Variants in DPP6 observed in about 807,000 individuals in gnomAD.
The protein encoded by DPP6 is dipeptidyl peptidase like 6, also known as A-type potassium channel modulatory protein DPP6.
Under a neutral mutation model 122.6 loss-of-function variants are expected in DPP6, and 69 were observed. That is an observed-to-expected ratio of 0.56 (90% CI 0.46 to 0.69). DPP6 has a LOEUF of 0.69. Ranked by LOEUF, DPP6 falls within the 30% of genes least tolerant of loss-of-function variation. The pLI is 0.00. For synonymous variants in DPP6, 418 were observed against 433.1 expected (o/e 0.97, Z 0.43); for missense variants, 928 against 1,116.9 (o/e 0.83, Z 2.41).
intron 1 of DPP6, among the ~76,000 whole-genome samples, chr7:154,233,990 G>A (rs1288342004): frequency 1.3e-5 from 2 of 152,214 alleles, no homozygotes; most frequent in Non-Finnish European, 2.9e-5. Context: ...TGAGTGTGGG[G>A]TTGGTCTGAA....
intron 1 of DPP6, among the ~76,000 whole-genome samples, chr7:154,356,137 A>G (rs1811250866): frequency 6.6e-6 from 1 of 151,964 alleles, no homozygotes; most frequent in African/African-American, 2.4e-5. Context: ...TGTTTTTTCT[A>G]TTTAATTTCT....
chr7:154,371,378 C>CAAA (rs1167770083), intron 1 of DPP6, among the ~76,000 whole-genome samples: 960 of 47,658 alleles, frequency 0.02, 3 homozygotes, highest in East Asian at 0.025. Flanking sequence ...AACTCTGTCT[C>CAAA]AAAAAAAAAA....
At chr7:154,847,764 A>G (rs1802058407) in intron 16 of DPP6, among the ~76,000 whole-genome samples, 1 of 152,190 alleles carries the variant, frequency 6.6e-6, no homozygotes, top group South Asian at 2.1e-4. Context: ...ACCAAAAGGT[A>G]TTCCTCCCGT....
In DPP6 at chr7:154,795,826, T is replaced by G; in HGVS notation, c.1261-19T>G. 1 of 1,604,798 alleles carries G rather than the reference T, an allele frequency of 6.2e-7. No individual in the cohort carries two copies. On this transcript the variant is annotated intron_variant, in intron 11 of 25. Transcript: ENST00000377770. ...AGAAAAGAAAAACCCTCTTGTCTAA[T>G]GCTCTCATTTCATTTCAGAAACACG...
intron 4 of DPP6, among the ~76,000 whole-genome samples, chr7:154,545,497 A>ATCCC (rs1554582545): frequency 8.2e-6 from 1 of 122,034 alleles, no homozygotes; most frequent in Non-Finnish European, 1.6e-5. Context: ...CCTTCCTTCC[A>ATCCC]TCCTTCCTTC....
intron 1 of DPP6, among the ~76,000 whole-genome samples, chr7:154,339,462 A>G (rs990938640): frequency 2.0e-5 from 3 of 152,192 alleles, no homozygotes; most frequent in Non-Finnish European, 4.4e-5. Flanking sequence ...TTTCCTAAAG[A>G]GCCCACCGAA....
At chr7:154,170,380 AC>A (rs1318546277) in intron 1 of DPP6, among the ~76,000 whole-genome samples, 15 of 151,798 alleles carry the variant, frequency 9.9e-5, no homozygotes, top group African/African-American at 3.6e-4. Context: ...TTCCCTCTCC[AC>A]CTGCACCTTG....
At chr7:154,779,306 A>T (rs942577267) in intron 10 of DPP6, among the ~76,000 whole-genome samples, 3 of 123,748 alleles carry the variant, frequency 2.4e-5, no homozygotes, top group South Asian at 2.9e-4. Context: ...TATCACCACC[A>T]CCCCCACCAT....
chr7:154,227,019 G>C (rs942341674), intron 1 of DPP6, among the ~76,000 whole-genome samples: 4 of 151,642 alleles, frequency 2.6e-5, no homozygotes, highest in Admixed American at 2.6e-4. Context: ...ACTGTACAGA[G>C]TTCCGTCAAA....
chr7:154,367,783 A>G (rs779824338), intron 1 of DPP6, among the ~76,000 whole-genome samples: 1 of 152,190 alleles, frequency 6.6e-6, no homozygotes, highest in Non-Finnish European at 1.5e-5. Flanking sequence ...TGTGTATGCA[A>G]TTAGATTGTA....
rs574968794 is a variant in DPP6, at chr7:154,540,727, G to A, written c.552+101G>A. ...GGTTTCAACTTTTAGCATAGCCAAG[G>A]AGAAGCAATAAACTTGTAATACTAC... On this transcript the variant is annotated intron_variant, in intron 4 of 25. Coordinates refer to ENST00000377770, the MANE Select transcript of DPP6 (RefSeq NM_130797.4). The A allele has an allele frequency of 8.1e-5, 56 of 691,000 alleles. No homozygotes were observed. The African/African-American group carries it at 8.2e-4, about 10-fold the overall frequency. The allele number at this position is 691,000 out of a possible 1,614,324, so 42.8% of individuals were successfully genotyped here. A position where few individuals can be genotyped will look rare whatever the true frequency, so the allele number is the denominator to read the frequency against.
At chr7:154,628,099 G>C (rs1397180808) in intron 5 of DPP6, among the ~76,000 whole-genome samples, 1 of 152,204 alleles carries the variant, frequency 6.6e-6, no homozygotes, top group Non-Finnish European at 1.5e-5. Context: ...AGGAATGTTA[G>C]TGGTTGCTGG....
upstream of DPP6, among the ~76,000 whole-genome samples, chr7:153,886,112 T>TACACACACACACACACACAC (rs60245538): frequency 3.3e-4 from 46 of 140,414 alleles, no homozygotes; most frequent in African/African-American, 9.0e-4. Flanking sequence ...GGCACGCCCT[T>TACACACACACACACACACAC]ACACACACAC....
intron 16 of DPP6, among the ~76,000 whole-genome samples, chr7:154,837,438 G>A (rs1801179924): frequency 6.6e-6 from 1 of 152,272 alleles, no homozygotes; most frequent in Non-Finnish European, 1.5e-5. Flanking sequence ...ACACATTCAC[G>A]TGCATGCACG....
At chr7:154,485,835 C>T (rs1224963178) in intron 3 of DPP6, among the ~76,000 whole-genome samples, 2 of 152,036 alleles carry the variant, frequency 1.3e-5, no homozygotes, top group Non-Finnish European at 2.9e-5. Flanking sequence ...GGTACATGTG[C>T]ACAACGTGCA....
upstream of DPP6, among the ~76,000 whole-genome samples, chr7:153,885,707 C>T (rs539048213): frequency 6.6e-6 from 1 of 152,138 alleles, no homozygotes; most frequent in South Asian, 2.1e-4. Flanking sequence ...ACCTAAAGTG[C>T]ACCTACCACT....
At chr7:153,869,206 T>C in the DPP6 span, among the ~76,000 whole-genome samples, 1 of 152,240 alleles carries the variant, frequency 6.6e-6, no homozygotes, top group Non-Finnish European at 1.5e-5. Context: ...CTGGATATCC[T>C]TGTTAACTTT....
chr7:153,836,505 A>G, the DPP6 span, among the ~76,000 whole-genome samples: 1 of 152,212 alleles, frequency 6.6e-6, no homozygotes, highest in Admixed American at 6.6e-5. Flanking sequence ...TATATAATTT[A>G]TCTTTGCTGG....
intron 1 of DPP6, among the ~76,000 whole-genome samples, chr7:154,107,663 C>A (rs2150579640): frequency 6.6e-6 from 1 of 152,318 alleles, no homozygotes; most frequent in African/African-American, 2.4e-5. Context: ...TATATCAAAA[C>A]ATCATAATGG....
Sources: allele counts gnomAD v4.1 joint callset (sites outside exome capture counted in the v4.1 genomes callset), GRCh38; gene constraint gnomAD v4.1.1; transcripts MANE v1.5; gene names NCBI Gene and HGNC (gene_info 2026-07-23, HGNC 2026-07-21).